Variants in TLL1 observed in about 807,000 individuals in gnomAD.
The protein encoded by TLL1 is tolloid like 1, also known as tolloid-like protein 1.
TLL1 carries 49 observed loss-of-function variants against 128.2 expected under a neutral mutation model. The observed-to-expected ratio is 0.38, with a 90% CI of 0.30 to 0.48. TLL1 has a LOEUF of 0.48. Among genes scored for constraint, TLL1 ranks in the 20% least tolerant of loss-of-function variants. TLL1 has a pLI of 0.96. For synonymous variants in TLL1, 454 were observed against 418.8 expected (o/e 1.08, Z -1.03); for missense variants, 1,123 against 1,242.0 (o/e 0.90, Z 1.44).
At chr4:165,973,988 A>G (rs1199982638) in intron 1 of TLL1, among the ~76,000 whole-genome samples, 3 of 151,656 alleles carry the variant, frequency 2.0e-5, no homozygotes, top group Non-Finnish European at 2.9e-5. Context: ...TAATAGGATC[A>G]GAGAAGTCTG....
chr4:165,948,600 G>A lies in TLL1; in HGVS notation c.170-40781G>A, dbSNP rs540326072. ...CTCTGCAGAGTCACAGGCAGTGCAG[G>A]GCCTCACATGGTGAGGGGGCTGATT... On this transcript the variant is annotated intron_variant, in intron 1 of 20. Transcript: ENST00000061240. Among the ~76,000 whole-genome samples the A allele has an allele frequency of 7.9e-5, 12 of 152,178 alleles. No individual in the cohort carries two copies. In the South Asian group the frequency reaches 2.3e-3, roughly 29 times the overall value.
At chr4:165,903,766 A>ACAC (rs1732120918) in intron 1 of TLL1, among the ~76,000 whole-genome samples, 4 of 119,854 alleles carry the variant, frequency 3.3e-5, no homozygotes, top group Non-Finnish European at 5.5e-5. Context: ...CACACACACA[A>ACAC]ATAATAATAA....
chr4:166,088,418 T>C (rs1741617646), intron 18 of TLL1, among the ~76,000 whole-genome samples: 1 of 152,076 alleles, frequency 6.6e-6, no homozygotes, highest in Non-Finnish European at 1.5e-5. Context: ...CCTGGAAATA[T>C]TTTCTGTTGA....
rs1037651698 is a variant in TLL1, at chr4:165,892,989, C to T, written c.169+18916C>T. 2.0e-5 allele frequency among the ~76,000 whole-genome samples: 3 copies of T among 152,160 alleles called. No homozygotes were observed. The East Asian group carries it at 5.8e-4, about 29-fold the overall frequency. ...AATCCAAACTGTGCTTGCACTGAGT[C>T]ATTAATGACTGCATGTAAGTCAGCA... On this transcript the variant is annotated intron_variant, in intron 1 of 20. Transcript: ENST00000061240.
intron 16 of TLL1, among the ~76,000 whole-genome samples, chr4:166,068,741 C>T (rs925343703): frequency 6.6e-6 from 1 of 151,784 alleles, no homozygotes; most frequent in Non-Finnish European, 1.5e-5. Flanking sequence ...AAATTTGGAG[C>T]TACCTAATAA....
chr4:165,919,663 C>A (rs1732948847), intron 1 of TLL1, among the ~76,000 whole-genome samples: 1 of 152,180 alleles, frequency 6.6e-6, no homozygotes, highest in African/African-American at 2.4e-5. Context: ...ATGATACATT[C>A]TTTGGATAAA....
chr4:165,909,438 G>A (rs746836324), intron 1 of TLL1, among the ~76,000 whole-genome samples: 7 of 152,150 alleles, frequency 4.6e-5, no homozygotes, highest in Non-Finnish European at 8.8e-5. Flanking sequence ...GTTTGTAGTG[G>A]TAAGATTAGG....
At chr4:166,016,500 A>G (rs527460967) in intron 8 of TLL1, among the ~76,000 whole-genome samples, 1 of 152,028 alleles carries the variant, frequency 6.6e-6, no homozygotes, top group Non-Finnish European at 1.5e-5. Flanking sequence ...ATTGTAATTT[A>G]TTTTTTAGCC....
At chr4:166,081,734 A>C (rs1251430798) in intron 18 of TLL1, among the ~76,000 whole-genome samples, 2 of 148,452 alleles carry the variant, frequency 1.3e-5, no homozygotes, top group African/African-American at 2.5e-5. Context: ...GTTCAATCAA[A>C]GTTGTTATTT....
intron 18 of TLL1, among the ~76,000 whole-genome samples, chr4:166,079,974 T>C (rs750179301): frequency 6.6e-6 from 1 of 152,210 alleles, no homozygotes. Context: ...ATGTTCTTTA[T>C]TGCTAGCACT....
intron 5 of TLL1, among the ~76,000 whole-genome samples, chr4:165,998,131 G>C (rs551027973): frequency 1.3e-5 from 2 of 152,012 alleles, no homozygotes; most frequent in Admixed American, 1.3e-4. Flanking sequence ...GTATTTTTCA[G>C]TGAACAGTTA....
At chr4:166,016,785 A>G (rs1478868166) in intron 8 of TLL1, among the ~76,000 whole-genome samples, 1 of 152,008 alleles carries the variant, frequency 6.6e-6, no homozygotes, top group East Asian at 1.9e-4. Flanking sequence ...CAGCTAAAAG[A>G]GATATATAAA....
chr4:166,071,015 G>A (rs80143596), intron 16 of TLL1, among the ~76,000 whole-genome samples: 6,294 of 151,870 alleles, frequency 0.041, 196 homozygotes, highest in African/African-American at 0.066. Flanking sequence ...CTCTCGTAGT[G>A]TTTATTGGTG....
intron 19 of TLL1, among the ~76,000 whole-genome samples, chr4:166,093,225 G>A (rs1393606197): frequency 6.6e-6 from 1 of 152,116 alleles, no homozygotes; most frequent in African/African-American, 2.4e-5. Flanking sequence ...ACTGGTCTCT[G>A]AGTTCTCTCA....
chr4:166,088,043 A>G (rs1418247754), intron 18 of TLL1, among the ~76,000 whole-genome samples: 1 of 152,162 alleles, frequency 6.6e-6, no homozygotes, highest in Admixed American at 6.6e-5. Context: ...TTTAATACCC[A>G]AATACTTATA....
chr4:166,019,197 A>G (rs1253880317), intron 8 of TLL1, among the ~76,000 whole-genome samples: 4 of 152,126 alleles, frequency 2.6e-5, no homozygotes. Context: ...ATCAACTAAC[A>G]CAGGCATAGA....
At position 165,907,426 on chromosome 4, in the gene TLL1, A is replaced by T. The variant is rs77544440; in HGVS notation, c.169+33353A>T. Among the ~76,000 whole-genome samples the T allele has an allele frequency of 6.3e-3, 953 of 152,318 alleles. 6 individuals carry two copies. Among genetic ancestry groups the T allele is most frequent in the African/African-American group, 0.021 (856 of 41,572 alleles). On this transcript the variant is annotated intron_variant, in intron 1 of 20. Coordinates refer to ENST00000061240, the MANE Select transcript of TLL1 (RefSeq NM_012464.5). ...CTAGGTATGTGTGGAATATGTGAGG[A>T]ATTAAAAGGGTAGCTTGTAAAAGGC...
rs115265590 is a variant in TLL1 at position 165,909,858 on chromosome 4, A to G, written c.169+35785A>G. On this transcript the variant is annotated intron_variant, in intron 1 of 20. Coordinates refer to ENST00000061240, the MANE Select transcript of TLL1 (RefSeq NM_012464.5). ...TCATTTTTAACATAAAGAAACTGAG[A>G]CTAGAGGTGAGAGGGTTACATGTAG... is the stretch of plus-strand genomic sequence containing the variant. Among the ~76,000 whole-genome samples the G allele has an allele frequency of 8.8e-3, 1,337 of 152,322 alleles. 22 individuals are homozygous for G. The highest frequency in any genetic ancestry group is 0.03 in the African/African-American group (1,256 of 41,566).
chr4:166,045,280 AC>A (rs1739413470), intron 12 of TLL1, among the ~76,000 whole-genome samples: 1 of 152,046 alleles, frequency 6.6e-6, no homozygotes, highest in Non-Finnish European at 1.5e-5. Flanking sequence ...CATGACCAAA[AC>A]CGAACCCTTG....
Sources: gnomAD v4.1 joint callset for allele counts (sites outside exome capture counted in the v4.1 genomes callset) on GRCh38, gnomAD v4.1.1 for gene constraint, MANE v1.5 for transcripts, NCBI Gene and HGNC (gene_info 2026-07-23, HGNC 2026-07-21) for gene names.